Variants in TXK observed in about 807,000 individuals in gnomAD.
TXK encodes the protein TXK tyrosine kinase.
Under a neutral mutation model 81.0 loss-of-function variants are expected in TXK, and 60 were observed. That is an observed-to-expected ratio of 0.74 (90% CI 0.60 to 0.92). The LOEUF (loss-of-function observed/expected upper bound fraction) is 0.92. Among genes scored for constraint, TXK ranks in the 40% least tolerant of loss-of-function variants. The probability of loss-of-function intolerance (pLI) is 0.00; values close to 1 mark genes in which losing one functional copy is unlikely to be tolerated. For missense variants in TXK, 581 were observed against 638.3 expected (o/e 0.91, Z 0.97); for synonymous variants, 203 against 210.7 (o/e 0.96, Z 0.32).
intron 6 of TXK, among the ~76,000 whole-genome samples, chr4:48,095,532 T>C (rs528493038): frequency 3.9e-5 from 6 of 152,310 alleles, no homozygotes; most frequent in Admixed American, 6.5e-5. Flanking sequence ...ATTTTTGTTA[T>C]ATTGACCAGA....
chr4:48,097,360 A>G (rs1226344570), intron 6 of TXK, among the ~76,000 whole-genome samples: 4 of 152,032 alleles, frequency 2.6e-5, no homozygotes, highest in Non-Finnish European at 4.4e-5. Context: ...AATGCAGAAG[A>G]GTTAGGAATC....
chr4:48,124,175 AT>A (rs1482309183), intron 1 of TXK, among the ~76,000 whole-genome samples: 1 of 152,118 alleles, frequency 6.6e-6, no homozygotes, highest in Non-Finnish European at 1.5e-5. Context: ...AGACAGGATC[AT>A]TCTTTATTGT....
At position 48,071,572 on chromosome 4, in the gene TXK, C is replaced by T. The variant is rs775589565; in HGVS notation, c.1460G>A (p.Arg487His). ...TATGGACATTGGTGCCAGGTGAGGG[C>T]GATATAGCCTGAAGCCTTCAGAAAT... is the stretch of plus-strand genomic sequence containing the variant. ...EAISEGFRLY[R>H]PHLAPMSIYE... Residue 487 changes from arginine (R) to histidine (H), a missense_variant, in exon 14 of 15, where the codon CGC (arginine) becomes CAC (histidine). Arg to His is a conservative substitution (Grantham distance 29). Coordinates refer to ENST00000264316, the MANE Select transcript of TXK (RefSeq NM_003328.3). The T allele has an allele frequency of 1.1e-5, 18 of 1,613,962 alleles. No individual in the cohort carries two copies. In the South Asian group the frequency reaches 1.4e-4, roughly 13 times the overall value.
intron 14 of TXK, among the ~76,000 whole-genome samples, chr4:48,070,696 C>A (rs2352588): frequency 0.9 from 135,970 of 151,848 alleles, 60,982 homozygotes; most frequent in East Asian, 1. Flanking sequence ...CTCCTATCTC[C>A]GCCTCCCAAG....
intron 6 of TXK, 31 bp from the exon 7 acceptor site, chr4:48,095,253 T>C (rs1560350323): frequency 6.4e-7 from 1 of 1,559,378 alleles, no homozygotes; most frequent in Non-Finnish European, 8.8e-7. Flanking sequence ...TGAATAAGTC[T>C]ATTCCTTCTT....
chr4:48,109,224 A>G (rs1001987732), intron 5 of TXK: 5 of 150,032 alleles, frequency 3.3e-5, no homozygotes, highest in African/African-American at 1.2e-4. Context: ...ATAGGGTCTC[A>G]CCATGTTGCC....
intron 1 of TXK, among the ~76,000 whole-genome samples, chr4:48,115,430 A>G (rs1217304395): frequency 2.0e-5 from 3 of 152,124 alleles, no homozygotes; most frequent in African/African-American, 7.2e-5. Flanking sequence ...GGCTCTTACT[A>G]TGGAATAAGC....
rs1716631726 is a variant in TXK at position 48,067,055 on chromosome 4, T to C, written c.*582A>G. On this transcript the variant is annotated 3_prime_UTR_variant, in exon 15 of 15. Transcript: ENST00000264316. ...AAAAACTGCTTTCAATATAATCAGATATGTGCAAAAACAATTTGTTAAATA... is the reference window on the plus strand; with the variant it reads ...AAAAACTGCTTTCAATATAATCAGACATGTGCAAAAACAATTTGTTAAATA... The C allele has an allele frequency of 3.9e-5, 6 of 152,388 alleles. No individual in the cohort carries two copies. The highest frequency in any genetic ancestry group is 1.4e-4 in the African/African-American group (6 of 41,442). 9.4% of individuals were successfully genotyped at this position (152,388 alleles called of 1,614,324 possible).
chr4:48,106,403 T>C (rs911539813), intron 5 of TXK, among the ~76,000 whole-genome samples: 1 of 150,722 alleles, frequency 6.6e-6, no homozygotes, highest in African/African-American at 2.5e-5. Flanking sequence ...TTTTTTTTAA[T>C]ATGTAAGTAA....
chr4:48,118,925 TA>T (rs1393359439), intron 1 of TXK, among the ~76,000 whole-genome samples: 1 of 152,194 alleles, frequency 6.6e-6, no homozygotes, highest in African/African-American at 2.4e-5. Context: ...ATAAAGGGAC[TA>T]ATTACAAAGA....
chr4:48,071,495 T>C (rs1163742596), intron 14 of TXK, 22 bp downstream of exon 14: 2 of 1,599,536 alleles, frequency 1.3e-6, no homozygotes, highest in Admixed American at 1.7e-5. Context: ...CCAACCTTCA[T>C]AGGAAAGTAA....
intron 1 of TXK, among the ~76,000 whole-genome samples, chr4:48,129,004 G>A (rs1325143583): frequency 2.0e-5 from 3 of 152,130 alleles, no homozygotes; most frequent in African/African-American, 7.2e-5. Flanking sequence ...CTGAACAGGA[G>A]TTAGAAAAGA....
At chr4:48,122,225 T>C (rs766336974) in intron 1 of TXK, among the ~76,000 whole-genome samples, 6 of 152,194 alleles carry the variant, frequency 3.9e-5, no homozygotes, top group South Asian at 2.1e-4. Context: ...CAAGAGCCTA[T>C]AAAATGCTCC....
intron 8 of TXK, among the ~76,000 whole-genome samples, 171 bp from the exon 9 acceptor site, chr4:48,089,995 C>T (rs553456398): frequency 6.6e-6 from 1 of 152,168 alleles, no homozygotes; most frequent in African/African-American, 2.4e-5. Flanking sequence ...AAAATATATA[C>T]TCATTGTATA....
At chr4:48,115,698 T>G (rs531925795) in intron 1 of TXK, among the ~76,000 whole-genome samples, 1 of 151,774 alleles carries the variant, frequency 6.6e-6, no homozygotes, top group South Asian at 2.1e-4. Context: ...AAAAACTTTT[T>G]AAAAAAATTA....
chr4:48,119,513 C>A (rs932039611), intron 1 of TXK, among the ~76,000 whole-genome samples: 7 of 152,170 alleles, frequency 4.6e-5, no homozygotes, highest in Non-Finnish European at 8.8e-5. Context: ...TGTTTCATTG[C>A]TCCCCCCGAT....
intron 6 of TXK, 120 bp from the exon 7 acceptor site, chr4:48,095,342 T>C: frequency 1.5e-6 from 1 of 663,826 alleles, no homozygotes; most frequent in Non-Finnish European, 2.5e-6. Context: ...GCTATATTAT[T>C]AATATGAAGA....
rs763643615 is a variant in TXK at position 48,103,819 on chromosome 4, T to C, written c.501+1082A>G. ...TGCAGCAGCATGTATTTTTCTTTGT[T>C]TGTGTTTTTAATGAGTCTAACCTAA... On this transcript the variant is annotated intron_variant, in intron 6 of 14. Coordinates refer to ENST00000264316, the MANE Select transcript of TXK (RefSeq NM_003328.3). Among the ~76,000 whole-genome samples, 13 of 152,304 alleles carry C rather than the reference T, an allele frequency of 8.5e-5. No individual in the cohort carries two copies. In the South Asian group the frequency reaches 2.1e-3, roughly 24 times the overall value.
intron 1 of TXK, among the ~76,000 whole-genome samples, chr4:48,117,437 C>G (rs988083467): frequency 5.3e-5 from 8 of 152,170 alleles, no homozygotes; most frequent in Admixed American, 2.6e-4. Context: ...TTGTGAAGCA[C>G]CAACCCAATT....
Sources: gnomAD v4.1 joint callset for allele counts (sites outside exome capture counted in the v4.1 genomes callset) on GRCh38, gnomAD v4.1.1 for gene constraint, MANE v1.5 for transcripts, NCBI Gene and HGNC (gene_info 2026-07-23, HGNC 2026-07-21) for gene names.